The following ERC2 variants were observed in gnomAD, a reference collection of about 807,000 sequenced individuals.
The protein encoded by ERC2 is ELKS/RAB6-interacting/CAST family member 2.
Under a neutral mutation model 114.8 loss-of-function variants are expected in ERC2, and 42 were observed. The observed-to-expected ratio is 0.37, with a 90% CI of 0.29 to 0.47. The LOEUF (loss-of-function observed/expected upper bound fraction) is 0.47. ERC2 is among the 20% of genes least tolerant of loss of function. ERC2 has a pLI of 0.99. For missense variants in ERC2, 939 were observed against 1,150.7 expected (o/e 0.82, Z 2.66); for synonymous variants, 454 against 425.5 (o/e 1.07, Z -0.82).
intron 17 of ERC2, among the ~76,000 whole-genome samples, chr3:55,530,930 G>A (rs1256168989): frequency 6.6e-6 from 1 of 152,210 alleles, no homozygotes; most frequent in African/African-American, 2.4e-5. Context: ...GGACTATGAA[G>A]GAATAATTTG....
intron 14 of ERC2, among the ~76,000 whole-genome samples, chr3:55,747,148 G>C (rs2066361246): frequency 6.6e-6 from 1 of 152,146 alleles, no homozygotes; most frequent in Non-Finnish European, 1.5e-5. Flanking sequence ...GATTCAGGGG[G>C]AGCTAGGACA....
intron 14 of ERC2, among the ~76,000 whole-genome samples, chr3:55,838,331 A>T (rs2060988864): frequency 1.3e-5 from 2 of 152,104 alleles, no homozygotes; most frequent in South Asian, 4.1e-4. Context: ...AAGAAATTTA[A>T]AAGAATAAAG....
chr3:55,636,683 T>C (rs2059969863), intron 17 of ERC2, among the ~76,000 whole-genome samples: 1 of 152,202 alleles, frequency 6.6e-6, no homozygotes, highest in African/African-American at 2.4e-5. Flanking sequence ...CGCAACTATT[T>C]ACCTGTGTTG....
intron 2 of ERC2, among the ~76,000 whole-genome samples, chr3:56,332,896 G>T (rs1260351852): frequency 2.0e-5 from 3 of 152,146 alleles, no homozygotes; most frequent in African/African-American, 7.2e-5. Flanking sequence ...GAGGGAAAAA[G>T]AAGCCAGAGA....
In ERC2 at chr3:56,369,335, G is replaced by A. The variant is rs147011457; in HGVS notation, c.657+65016C>T. The stretch of plus-strand genomic sequence containing the variant: ...GGATCCCCATGATAAAATCCTCCAG[G>A]CAATTCCAGTCTCATGCAATAAGAC... On this transcript the variant is annotated intron_variant, in intron 2 of 17. Transcript: ENST00000288221. 1.5e-3 allele frequency among the ~76,000 whole-genome samples: 231 copies of A among 152,212 alleles called. 1 individual carries two copies. Among genetic ancestry groups the A allele is most frequent in the African/African-American group, 5.4e-3 (224 of 41,536 alleles).
At chr3:56,394,123 A>G (rs912023301) in intron 2 of ERC2, among the ~76,000 whole-genome samples, 1 of 152,204 alleles carries the variant, frequency 6.6e-6, no homozygotes, top group African/African-American at 2.4e-5. Context: ...CAACATGCCC[A>G]TGGCAAGGTT....
At chr3:56,214,920 T>C (rs551512225) in intron 3 of ERC2, among the ~76,000 whole-genome samples, 9 of 152,180 alleles carry the variant, frequency 5.9e-5, no homozygotes, top group African/African-American at 1.9e-4. Context: ...AGAAATAAAA[T>C]CCTTTACAGA....
At chr3:55,705,639 A>G (rs916399415) in intron 15 of ERC2, among the ~76,000 whole-genome samples, 1 of 152,148 alleles carries the variant, frequency 6.6e-6, no homozygotes, top group African/African-American at 2.4e-5. Flanking sequence ...CCACTGCTAT[A>G]GCATCAGTCC....
chr3:55,935,940 C>T (rs1576271934), intron 13 of ERC2, among the ~76,000 whole-genome samples: 1 of 152,368 alleles, frequency 6.6e-6, no homozygotes, highest in Non-Finnish European at 1.5e-5. Flanking sequence ...TCTGTTCAAA[C>T]AAACTTCATG....
intron 2 of ERC2, among the ~76,000 whole-genome samples, chr3:56,344,351 A>G (rs1383729268): frequency 6.6e-6 from 1 of 152,116 alleles, no homozygotes; most frequent in African/African-American, 2.4e-5. Flanking sequence ...ACCGTCCCCA[A>G]TTAGCACACT....
At chr3:55,618,352 G>A (rs558643196) in intron 17 of ERC2, among the ~76,000 whole-genome samples, 3 of 152,186 alleles carry the variant, frequency 2.0e-5, no homozygotes, top group African/African-American at 7.2e-5. Flanking sequence ...CAATATTAAT[G>A]TGCAACTTCC....
chr3:55,624,055 C>A (rs979210991), intron 17 of ERC2, among the ~76,000 whole-genome samples: 12 of 152,106 alleles, frequency 7.9e-5, no homozygotes, highest in African/African-American at 2.4e-4. Context: ...GGTTAGGACT[C>A]CAACAGCTCA....
intron 2 of ERC2, among the ~76,000 whole-genome samples, chr3:56,432,707 G>T (rs1423849496): frequency 6.6e-6 from 1 of 152,130 alleles, no homozygotes; most frequent in African/African-American, 2.4e-5. Flanking sequence ...CAGTTAGGAG[G>T]GTCAGCAGGT....
intron 10 of ERC2, among the ~76,000 whole-genome samples, chr3:55,996,868 T>C (rs1221264463): frequency 6.6e-6 from 1 of 152,216 alleles, no homozygotes; most frequent in Non-Finnish European, 1.5e-5. Flanking sequence ...AAACTTCAGA[T>C]TAATACTATA....
intron 14 of ERC2, among the ~76,000 whole-genome samples, chr3:55,864,264 T>C (rs530139099): frequency 6.7e-5 from 10 of 149,018 alleles, no homozygotes; most frequent in Non-Finnish European, 1.2e-4. Context: ...TATATGTGTG[T>C]GTGTATGTGT....
intron 17 of ERC2, among the ~76,000 whole-genome samples, chr3:55,585,002 G>T (rs764287798): frequency 6.6e-6 from 1 of 152,170 alleles, no homozygotes; most frequent in African/African-American, 2.4e-5. Context: ...TTGCTGTTTC[G>T]GGAGCCTGAT....
In ERC2 at chr3:55,524,970, G is replaced by A. The variant is rs141594458; in HGVS notation, c.*40-13694C>T. 7.1e-3 allele frequency among the ~76,000 whole-genome samples: 1,086 copies of A among 152,284 alleles called. 15 individuals carry two copies. The highest frequency in any genetic ancestry group is 0.015 in the South Asian group (74 of 4,824). On this transcript the variant is annotated intron_variant, in intron 17 of 17. Transcript: ENST00000288221. ...AACTCAAAAGACGGCCACAGGTACC[G>A]CAGTTGGTCATCGTTAGTGCTGATG...
chr3:55,794,572 G>A (rs1268684523), intron 14 of ERC2, among the ~76,000 whole-genome samples: 3 of 152,186 alleles, frequency 2.0e-5, no homozygotes, highest in Admixed American at 6.5e-5. Context: ...TACAAGAGAT[G>A]TATGTCAAAA....
rs549346609 is a variant in ERC2 at position 56,025,644 on chromosome 3, C to A, written c.1642-6613G>T. On this transcript the variant is annotated intron_variant, in intron 7 of 17. Coordinates refer to ENST00000288221, the MANE Select transcript of ERC2 (RefSeq NM_015576.3). The stretch of plus-strand genomic sequence containing the variant: ...GACTTCCCTGTCTCTGACCTCTAGC[C>A]CCAGATTTACTGCGCTCATGTGATT... Among the ~76,000 whole-genome samples, 3 of 152,112 alleles carry A rather than the reference C, an allele frequency of 2.0e-5. No homozygotes were observed. The South Asian group carries it at 6.2e-4, about 32-fold the overall frequency.
Sources: allele counts gnomAD v4.1 joint callset (sites outside exome capture counted in the v4.1 genomes callset), GRCh38; gene constraint gnomAD v4.1.1; transcripts MANE v1.5; gene names NCBI Gene and HGNC (gene_info 2026-07-23, HGNC 2026-07-21).